PAX5: variants seen among roughly 807,000 people sequenced by gnomAD.
PAX5 encodes the protein paired box 5.
PAX5 carries 9 observed loss-of-function variants against 43.7 expected under a neutral mutation model. The ratio of observed to expected loss-of-function variants is 0.21; its 90% CI spans 0.12 to 0.36. The LOEUF is 0.36. Ranked by LOEUF, PAX5 falls within the 10% of genes least tolerant of loss-of-function variation. The pLI is 1.00. For synonymous variants in PAX5, 228 were observed against 214.3 expected (o/e 1.06, Z -0.56); for missense variants, 383 against 532.7 (o/e 0.72, Z 2.77).
chr9:36,895,277 G>A (rs79695927), intron 7 of PAX5, among the ~76,000 whole-genome samples: 8 of 152,336 alleles, frequency 5.3e-5, no homozygotes, highest in East Asian at 1.9e-4. Context: ...GAATGCATGC[G>A]AGGTACATGA....
intron 5 of PAX5, among the ~76,000 whole-genome samples, chr9:36,973,911 A>G (rs7025931): frequency 0.58 from 87,563 of 152,044 alleles, 26,668 homozygotes; most frequent in East Asian, 0.78. Context: ...GAAGCAAGAG[A>G]ATCACTTGAA....
At chr9:36,922,233 A>C (rs1460098352) in intron 7 of PAX5, among the ~76,000 whole-genome samples, 1 of 152,116 alleles carries the variant, frequency 6.6e-6, no homozygotes, top group East Asian at 1.9e-4. Flanking sequence ...ATCCGAGTCT[A>C]ACCCAGCTTC....
chr9:36,930,846 G>C, intron 6 of PAX5: 1 of 1,306,884 alleles, frequency 7.7e-7, no homozygotes, highest in Non-Finnish European at 1.0e-6. Context: ...CGTGCCCCAG[G>C]AGAGTGTGCA....
intron 1 of PAX5, among the ~76,000 whole-genome samples, chr9:37,032,934 G>A (rs768885779): frequency 2.6e-5 from 4 of 152,258 alleles, no homozygotes; most frequent in Admixed American, 6.5e-5. Flanking sequence ...CTATGCACAT[G>A]CATCCACCCA....
chr9:36,981,903 T>G (rs984961774), intron 5 of PAX5, among the ~76,000 whole-genome samples: 4 of 152,310 alleles, frequency 2.6e-5, no homozygotes, highest in Middle Eastern at 3.4e-3. Flanking sequence ...GTCTGCACAG[T>G]GAGCACCTCC....
chr9:37,028,325 T>C (rs1355125212), intron 1 of PAX5, among the ~76,000 whole-genome samples: 1 of 152,168 alleles, frequency 6.6e-6, no homozygotes, highest in African/African-American at 2.4e-5. Flanking sequence ...CCTAATTTTA[T>C]TTCCTAATTT....
chr9:36,897,460 G>A (rs1439099526), intron 7 of PAX5, among the ~76,000 whole-genome samples: 1 of 151,712 alleles, frequency 6.6e-6, no homozygotes, highest in Non-Finnish European at 1.5e-5. Flanking sequence ...GGCTTCCCAG[G>A]AAGATTCATC....
intron 1 of PAX5, 47 bp from the exon 2 acceptor site, chr9:37,020,848 C>T: frequency 6.2e-7 from 1 of 1,600,402 alleles, no homozygotes; most frequent in South Asian, 1.1e-5. Flanking sequence ...TAGTTAGAAC[C>T]AGTCACATAG....
rs905954508 is a variant in PAX5 at position 36,841,579 on chromosome 9, C to T, written c.1100-943G>A. ...TTCCCCCATCCCCAGATGGAGAGCCCCCAAAAGGCAGAAGCTGGGTTCTGC... is the reference window on the plus strand; with the variant it reads ...TTCCCCCATCCCCAGATGGAGAGCCTCCAAAAGGCAGAAGCTGGGTTCTGC... On this transcript the variant is annotated intron_variant, in intron 9 of 9. Coordinates refer to ENST00000358127, the MANE Select transcript of PAX5 (RefSeq NM_016734.3). 3.9e-5 allele frequency among the ~76,000 whole-genome samples: 6 copies of T among 152,206 alleles called. No individual in the cohort carries two copies. The East Asian group carries it at 1.2e-3, about 29-fold the overall frequency.
At chr9:36,900,597 G>A (rs1340722205) in intron 7 of PAX5, among the ~76,000 whole-genome samples, 1 of 152,168 alleles carries the variant, frequency 6.6e-6, no homozygotes, top group African/African-American at 2.4e-5. Flanking sequence ...ATCTGTGGCG[G>A]GAGTGTCAAT....
intron 8 of PAX5, among the ~76,000 whole-genome samples, chr9:36,859,325 C>T (rs562758979): frequency 2.6e-4 from 39 of 152,212 alleles, no homozygotes; most frequent in African/African-American, 9.2e-4. Flanking sequence ...AAAGCCGGGC[C>T]GGGCTGAAGT....
intron 5 of PAX5, among the ~76,000 whole-genome samples, chr9:36,972,994 C>T (rs1016761686): frequency 6.8e-6 from 1 of 147,560 alleles, no homozygotes; most frequent in Non-Finnish European, 1.5e-5. Context: ...TGCCATTGTA[C>T]TCCAGCCTGG....
intron 8 of PAX5, among the ~76,000 whole-genome samples, chr9:36,881,397 G>A (rs1327155806): frequency 1.3e-5 from 2 of 152,182 alleles, no homozygotes; most frequent in Admixed American, 1.3e-4. Flanking sequence ...AGCCAGTACC[G>A]CTTGTCCCCA....
intron 5 of PAX5, among the ~76,000 whole-genome samples, chr9:36,981,188 C>A (rs918841292): frequency 7.5e-5 from 11 of 146,744 alleles, no homozygotes; most frequent in South Asian, 2.3e-4. Flanking sequence ...CAGCAAAGCC[C>A]CCCCCCCCTC....
chr9:36,868,250 CG>C (rs894650659), intron 8 of PAX5, among the ~76,000 whole-genome samples: 1 of 152,234 alleles, frequency 6.6e-6, no homozygotes, highest in African/African-American at 2.4e-5. Flanking sequence ...GACTCTGGAC[CG>C]GGCAAGATGG....
intron 6 of PAX5, among the ~76,000 whole-genome samples, chr9:36,943,529 T>TTCTCACACACACAC (rs35815065): frequency 2.1e-5 from 3 of 145,912 alleles, no homozygotes; most frequent in Admixed American, 6.9e-5. Context: ...TAGTTCAACA[T>TTCTCACACACACAC]ACACACACAC....
chr9:36,929,714 C>T (rs1830969267), intron 6 of PAX5, among the ~76,000 whole-genome samples: 1 of 152,220 alleles, frequency 6.6e-6, no homozygotes, highest in Admixed American at 6.5e-5. Context: ...ATAAAACTTC[C>T]TCTGCCTGCT....
At chr9:36,925,240 C>T (rs770335839) in intron 6 of PAX5, among the ~76,000 whole-genome samples, 1 of 152,110 alleles carries the variant, frequency 6.6e-6, no homozygotes, top group African/African-American at 2.4e-5. Flanking sequence ...CTAGATGATT[C>T]GTGCTGAGGA....
chr9:36,997,233 C>T (rs1837471270), intron 5 of PAX5, among the ~76,000 whole-genome samples: 1 of 152,150 alleles, frequency 6.6e-6, no homozygotes, highest in Non-Finnish European at 1.5e-5. Flanking sequence ...GAAGGTAGTC[C>T]AGAGCCCAGA....
Sources: allele counts gnomAD v4.1 joint callset (sites outside exome capture counted in the v4.1 genomes callset), GRCh38; gene constraint gnomAD v4.1.1; transcripts MANE v1.5; gene names NCBI Gene and HGNC (gene_info 2026-07-23, HGNC 2026-07-21).